The following ZGRF1 variants were observed in gnomAD, a reference collection of about 807,000 sequenced individuals.
ZGRF1 encodes the protein 5'-3' DNA helicase ZGRF1.
In ZGRF1, 196 loss-of-function variants were observed where a neutral mutation model predicts 203.5. The ratio of observed to expected loss-of-function variants is 0.96; its 90% confidence interval spans 0.86 to 1.08. The LOEUF (loss-of-function observed/expected upper bound fraction) is 1.08. Among genes scored for constraint, ZGRF1 ranks in the 50% least tolerant of loss-of-function variants. The pLI is 0.00. For synonymous variants in ZGRF1, 809 were observed against 841.3 expected (o/e 0.96, Z 0.66); for missense variants, 2,326 against 2,416.3 (o/e 0.96, Z 0.78).
rs768830022 is a variant in ZGRF1, at chr4:112,540,800, A to G, written c.5910+21T>C. ...TTGTAATATTTAATATATGGCAAAT[A>G]CTGTAATACATAATACCAACCTTGT... On this transcript the variant is annotated intron_variant, in intron 26 of 27. Transcript: ENST00000505019. The G allele has an allele frequency of 1.9e-6, 3 of 1,546,960 alleles. No individual in the cohort carries two copies. The East Asian group carries it at 7.0e-5, about 36-fold the overall frequency.
intron 24 of ZGRF1, among the ~76,000 whole-genome samples, chr4:112,542,376 G>C (rs762011081): frequency 2.9e-4 from 44 of 152,132 alleles, no homozygotes; most frequent in Non-Finnish European, 5.6e-4. Flanking sequence ...CAACAGTAAT[G>C]ATTACAAAGC....
intron 2 of ZGRF1, among the ~76,000 whole-genome samples, chr4:112,632,628 C>T (rs550409771): frequency 1.1e-4 from 17 of 152,252 alleles, no homozygotes; most frequent in Non-Finnish European, 2.2e-4. Flanking sequence ...TTCCATTAAG[C>T]CAAATCATAA....
At chr4:112,597,540 A>G (rs1355511102) in intron 10 of ZGRF1, among the ~76,000 whole-genome samples, 1 of 151,844 alleles carries the variant, frequency 6.6e-6, no homozygotes, top group African/African-American at 2.4e-5. Context: ...TAATAATAAT[A>G]GTAATAGTAA....
At position 112,609,397 on chromosome 4, in the gene ZGRF1, T is replaced by A; in HGVS notation, c.2700A>T (p.Glu900Asp). 2 of 1,579,944 alleles carry A rather than the reference T, an allele frequency of 1.3e-6. No individual in the cohort carries two copies. Among genetic ancestry groups the A allele is most frequent in the Non-Finnish European group, 8.7e-7 (1 of 1,156,004 alleles). ...ILKEDEVELS[E>D]PLQSVQFSSS... ...AACTTACCTGCACAGACTGAAGTGG[T>A]TCACTTAGTTCAACTTCATCTTCTT... is the stretch of plus-strand genomic sequence containing the variant. The change falls in exon 8 of 28, where the codon GAA (glutamate) becomes GAT (aspartate). Residue 900 changes from glutamate to aspartate, a missense_variant. Coordinates refer to ENST00000505019, the MANE Select transcript of ZGRF1 (RefSeq NM_018392.5).
intron 16 of ZGRF1, among the ~76,000 whole-genome samples, chr4:112,580,533 C>A (rs1746033009): frequency 6.6e-6 from 1 of 151,844 alleles, no homozygotes; most frequent in African/African-American, 2.4e-5. Flanking sequence ...ACTCATCTGA[C>A]AAAGGGCTAA....
intron 16 of ZGRF1, among the ~76,000 whole-genome samples, chr4:112,563,518 GAA>G (rs1742410130): frequency 1.3e-5 from 2 of 152,102 alleles, no homozygotes; most frequent in Non-Finnish European, 2.9e-5. Flanking sequence ...GAATCACACA[GAA>G]AAAGACTAAA....
In ZGRF1 at chr4:112,612,569, T is replaced by C. The variant is rs780144375; in HGVS notation, c.2622A>G (p.Thr874=). The change falls in exon 7 of 28, where the codon ACA becomes ACG. Residue 874 remains threonine, a synonymous_variant. Transcript: ENST00000505019. The stretch of plus-strand genomic sequence containing the variant: ...GATGAGGAGACTTTGGTGAAACTAC[T>C]GTAATAAATGGTTTCCTCACTGTAA... ...SPPEVRKPFI[T]VVSPKSPHLH... is the part of the protein sequence containing the mutation. The C allele has an allele frequency of 2.2e-5, 35 of 1,604,526 alleles. No individual in the cohort carries two copies. In the Admixed American group the frequency reaches 5.5e-4, roughly 25 times the overall value.
At chr4:112,611,260 G>A (rs1473616341) in intron 7 of ZGRF1, among the ~76,000 whole-genome samples, 4 of 152,006 alleles carry the variant, frequency 2.6e-5, no homozygotes, top group African/African-American at 4.8e-5. Flanking sequence ...AAAATTAGCT[G>A]GGTGTGGTGG....
intron 13 of ZGRF1, 94 bp from the exon 14 acceptor site, chr4:112,585,819 T>C (rs1020671703): frequency 2.5e-6 from 2 of 802,192 alleles, no homozygotes; most frequent in Non-Finnish European, 3.6e-6. Context: ...TTGAATAGCC[T>C]TTAAACAGAG....
Position 112,548,319 on chromosome 4 carries a change from A to C in ZGRF1, c.5408T>G (p.Phe1803Cys). The C allele has an allele frequency of 6.4e-7, 1 of 1,553,794 alleles. No individual in the cohort carries two copies. The highest frequency in any genetic ancestry group is 8.7e-7 in the Non-Finnish European group (1 of 1,147,972). The part of the protein sequence containing the change: ...CPFPCMNDLK[F>C]PVVVLDECSQ... ...ACACTCATCCAGCACAACTACAGGA[A>C]ATTTAAGATCATTCATGCATGGGAA... The change falls in exon 23 of 28, where the codon TTT becomes TGT. Residue 1803 changes from phenylalanine (F) to cysteine (C), a missense_variant. By Grantham distance (205) the Phe-to-Cys change is radical. Coordinates refer to ENST00000505019, the MANE Select transcript of ZGRF1 (RefSeq NM_018392.5).
intron 16 of ZGRF1, among the ~76,000 whole-genome samples, chr4:112,563,720 G>A (rs1042184172): frequency 6.6e-5 from 10 of 152,156 alleles, no homozygotes; most frequent in African/African-American, 2.2e-4. Context: ...TCTTAAATGA[G>A]TAATTTATTA....
Position 112,568,692 on chromosome 4 carries a change from C to T in ZGRF1, c.4439-5418G>A. ...CACCACTGCATTCCAGCCCGGGTGA[C>T]GAGAGTGAAACTCTGTCTCAAAAAA... On this transcript the variant is annotated intron_variant, in intron 16 of 27. Transcript: ENST00000505019. 2.7e-5 allele frequency among the ~76,000 whole-genome samples: 3 copies of T among 109,768 alleles called. No individual in the cohort carries two copies. The Middle Eastern group carries it at 0.028, about 1,036-fold the overall frequency. 72.0% of individuals were successfully genotyped at this position (109,768 alleles called of 152,430 possible). A position where few individuals can be genotyped will look rare whatever the true frequency, so the allele number is the denominator to read the frequency against.
chr4:112,553,707 C>T (rs921389526), intron 22 of ZGRF1, 128 bp downstream of exon 22: 10 of 784,122 alleles, frequency 1.3e-5, no homozygotes, highest in Non-Finnish European at 1.9e-5. Context: ...CATGCATGCA[C>T]CTTAGTAGAA....
At chr4:112,563,758 G>T (rs1742463181) in intron 16 of ZGRF1, among the ~76,000 whole-genome samples, 1 of 152,168 alleles carries the variant, frequency 6.6e-6, no homozygotes, top group African/African-American at 2.4e-5. Context: ...AATGAGAAAT[G>T]TATTTCTCAT....
intron 16 of ZGRF1, among the ~76,000 whole-genome samples, chr4:112,575,622 G>T (rs1054137393): frequency 1.3e-5 from 2 of 152,210 alleles, no homozygotes; most frequent in Non-Finnish European, 2.9e-5. Context: ...AGCACACCAG[G>T]ATATTATATC....
intron 24 of ZGRF1, among the ~76,000 whole-genome samples, chr4:112,545,852 G>C (rs779919498): frequency 5.9e-5 from 9 of 151,980 alleles, no homozygotes; most frequent in Non-Finnish European, 1.2e-4. Context: ...AAATAAGACA[G>C]ACATAAAATG....
intron 3 of ZGRF1, among the ~76,000 whole-genome samples, chr4:112,629,482 C>T (rs2047339332): frequency 6.6e-6 from 1 of 152,028 alleles, no homozygotes; most frequent in African/African-American, 2.4e-5. Context: ...ACCAGCCTGG[C>T]CAACATGGTG....
In ZGRF1 at chr4:112,623,848, C is replaced by T; in HGVS notation, c.131G>A (p.Cys44Tyr). The change falls in exon 4 of 28, where the codon TGT (cysteine) becomes TAT (tyrosine). Residue 44 changes from cysteine (C) to tyrosine (Y), a missense_variant. Coordinates refer to ENST00000505019, the MANE Select transcript of ZGRF1 (RefSeq NM_018392.5). ...GCATTTAAGAAACAGACTCTCCAAA[C>T]ATGCTCCTTTGTCATCATATAAAAT... is the stretch of plus-strand genomic sequence containing the variant. ...KAILYDDKGA[C>Y]LESLFLKCLE... 6.9e-6 allele frequency: 11 copies of T among 1,586,562 alleles called. No homozygotes were observed. Among genetic ancestry groups the T allele is most frequent in the Non-Finnish European group, 9.5e-6 (11 of 1,158,782 alleles).
chr4:112,631,906 T>G, intron 3 of ZGRF1, 24 bp downstream of exon 3: 1 of 1,417,966 alleles, frequency 7.1e-7, no homozygotes, highest in Non-Finnish European at 9.6e-7. Flanking sequence ...TCTTGCACCC[T>G]ATAGTCAACT....
Sources: gnomAD v4.1 joint callset for allele counts (sites outside exome capture counted in the v4.1 genomes callset) on GRCh38, gnomAD v4.1.1 for gene constraint, MANE v1.5 for transcripts, NCBI Gene and HGNC (gene_info 2026-07-23, HGNC 2026-07-21) for gene names.